Variants in SLC25A21 observed in about 807,000 individuals in gnomAD.
The protein encoded by SLC25A21 is solute carrier family 25 member 21, also known as mitochondrial 2-oxodicarboxylate carrier.
A neutral mutation model predicts 43.8 loss-of-function variants in SLC25A21; 47 were observed. That is an observed-to-expected ratio of 1.07 (90% confidence interval 0.85 to 1.37). The LOEUF (loss-of-function observed/expected upper bound fraction) is 1.37. Among genes scored for constraint, SLC25A21 ranks in the 40% most tolerant of loss-of-function variants. The probability of loss-of-function intolerance (pLI) is 0.00; values close to 1 mark genes in which losing one functional copy is unlikely to be tolerated. For missense variants in SLC25A21, 352 were observed against 350.2 expected, an observed-to-expected ratio of 1.00 and a Z score of -0.04; for synonymous variants, 131 against 121.3, an observed-to-expected ratio of 1.08 and a Z score of -0.52.
At chr14:36,925,773 G>A (rs1892115160) in intron 1 of SLC25A21, among the ~76,000 whole-genome samples, 1 of 152,184 alleles carries the variant, frequency 6.6e-6, no homozygotes, top group African/African-American at 2.4e-5. Flanking sequence ...CTTGAACCCA[G>A]GGGGCAGAGG....
At chr14:36,937,908 A>G (rs1327538648) in intron 1 of SLC25A21, among the ~76,000 whole-genome samples, 1 of 152,188 alleles carries the variant, frequency 6.6e-6, no homozygotes, top group Admixed American at 6.5e-5. Flanking sequence ...TAAAGGAACA[A>G]AAGTATACAA....
intron 1 of SLC25A21, among the ~76,000 whole-genome samples, chr14:37,100,323 G>A (rs188311749): frequency 6.6e-6 from 1 of 152,146 alleles, no homozygotes; most frequent in Non-Finnish European, 1.5e-5. Flanking sequence ...CTCCCAAAGT[G>A]CTGGGATTAC....
chr14:36,887,274 GA>G (rs1279572083), intron 1 of SLC25A21, among the ~76,000 whole-genome samples: 1 of 151,432 alleles, frequency 6.6e-6, no homozygotes, highest in African/African-American at 2.4e-5. Flanking sequence ...TATCTAAAGT[GA>G]AAAAAAGGCC....
At chr14:36,907,574 C>T (rs1041517076) in intron 1 of SLC25A21, among the ~76,000 whole-genome samples, 3 of 152,062 alleles carry the variant, frequency 2.0e-5, no homozygotes, top group African/African-American at 7.2e-5. Context: ...CATTTTTGGT[C>T]TTTATAAGAT....
intron 2 of SLC25A21, among the ~76,000 whole-genome samples, chr14:36,848,184 A>G (rs1490297894): frequency 6.6e-6 from 1 of 152,132 alleles, no homozygotes; most frequent in Non-Finnish European, 1.5e-5. Context: ...TTAGGTTATC[A>G]CCCTAACTCA....
intron 7 of SLC25A21, among the ~76,000 whole-genome samples, chr14:36,697,807 C>A (rs1266873608): frequency 7.8e-6 from 1 of 128,844 alleles, no homozygotes; most frequent in South Asian, 2.6e-4. Context: ...CTATGTGCAT[C>A]TTTGCATGTG....
At chr14:36,807,227 C>T (rs1888072380) in intron 3 of SLC25A21, 3 of 152,236 alleles carry the variant, frequency 2.0e-5, no homozygotes, top group Admixed American at 2.0e-4. Flanking sequence ...ATGTGAACTC[C>T]ACCGGATCTG....
intron 1 of SLC25A21, among the ~76,000 whole-genome samples, chr14:36,913,762 G>C: frequency 6.6e-6 from 1 of 152,148 alleles, no homozygotes; most frequent in African/African-American, 2.4e-5. Flanking sequence ...CAAATATTAA[G>C]TATTAATTAT....
At chr14:36,939,532 T>C (rs1417908547) in intron 1 of SLC25A21, among the ~76,000 whole-genome samples, 1 of 152,116 alleles carries the variant, frequency 6.6e-6, no homozygotes, top group African/African-American at 2.4e-5. Flanking sequence ...CCAGGTTACC[T>C]GGAGCTTTGT....
At chr14:36,831,816 C>T (rs745618524) in intron 2 of SLC25A21, among the ~76,000 whole-genome samples, 1 of 152,186 alleles carries the variant, frequency 6.6e-6, no homozygotes, top group Non-Finnish European at 1.5e-5. Flanking sequence ...ATCTAGCAAA[C>T]TGTTCTAAGA....
At chr14:37,134,648 T>TAAA (rs11347791) in intron 1 of SLC25A21, among the ~76,000 whole-genome samples, 3 of 122,714 alleles carry the variant, frequency 2.4e-5, no homozygotes, top group Admixed American at 7.9e-5. Context: ...ACTCCATCTC[T>TAAA]AAAAAAAAAA....
chr14:36,975,860 A>C (rs950061303), intron 1 of SLC25A21, among the ~76,000 whole-genome samples: 1 of 152,212 alleles, frequency 6.6e-6, no homozygotes, highest in Non-Finnish European at 1.5e-5. Flanking sequence ...AGTTTAAGAC[A>C]CCCTGCAGAA....
At chr14:36,850,127 T>C (rs1889678447) in intron 2 of SLC25A21, among the ~76,000 whole-genome samples, 1 of 151,894 alleles carries the variant, frequency 6.6e-6, no homozygotes, top group Non-Finnish European at 1.5e-5. Context: ...GGAAGAGATG[T>C]ATAAAGGGAG....
At chr14:37,169,304 C>T (rs1211883656) in intron 1 of SLC25A21, among the ~76,000 whole-genome samples, 6 of 152,004 alleles carry the variant, frequency 3.9e-5, no homozygotes, top group Admixed American at 2.6e-4. Flanking sequence ...CAAGCCATCC[C>T]GAAAGGTGTA....
chr14:36,830,556 C>T (rs184163026), intron 2 of SLC25A21, among the ~76,000 whole-genome samples: 1 of 151,686 alleles, frequency 6.6e-6, no homozygotes, highest in Non-Finnish European at 1.5e-5. Context: ...GAAAGGGGTA[C>T]TAGACATCAA....
At chr14:36,814,463 C>A (rs1045057798) in intron 2 of SLC25A21, among the ~76,000 whole-genome samples, 6 of 152,090 alleles carry the variant, frequency 3.9e-5, no homozygotes, top group South Asian at 2.1e-4. Context: ...GGAACTGAAA[C>A]AAATTTACAA....
intron 3 of SLC25A21, among the ~76,000 whole-genome samples, chr14:36,769,275 C>A (rs1324036556): frequency 6.6e-6 from 1 of 152,218 alleles, no homozygotes; most frequent in East Asian, 1.9e-4. Context: ...CTATTTCCAA[C>A]AATGACAATT....
At chr14:36,804,709 A>G (rs2138426539) in intron 3 of SLC25A21, among the ~76,000 whole-genome samples, 1 of 152,338 alleles carries the variant, frequency 6.6e-6, no homozygotes, top group South Asian at 2.1e-4. Context: ...AAATTCATGA[A>G]GTCATTGATG....
chr14:36,796,474 T>C (rs921207032), intron 3 of SLC25A21, among the ~76,000 whole-genome samples: 15 of 152,096 alleles, frequency 9.9e-5, no homozygotes, highest in Non-Finnish European at 1.9e-4. Context: ...CATTTTAATA[T>C]AGTTTAGTTC....
Sources: gnomAD v4.1 joint callset for allele counts (sites outside exome capture counted in the v4.1 genomes callset) on GRCh38, gnomAD v4.1.1 for gene constraint, MANE v1.5 for transcripts, NCBI Gene and HGNC (gene_info 2026-07-23, HGNC 2026-07-21) for gene names.